COL5A1: variants seen among roughly 807,000 people sequenced by gnomAD.
COL5A1 encodes the protein collagen alpha-1(V) chain.
In COL5A1, 16 loss-of-function variants were observed where a neutral mutation model predicts 263.7. That is an observed-to-expected ratio of 0.06 (90% CI 0.04 to 0.09). The LOEUF (loss-of-function observed/expected upper bound fraction) is 0.09. Ranked by LOEUF, COL5A1 falls within the 10% of genes least tolerant of loss-of-function variation. The probability of loss-of-function intolerance (pLI) is 1.00; values close to 1 mark genes in which losing one functional copy is unlikely to be tolerated. For missense variants in COL5A1, 2,036 were observed against 2,540.5 expected (o/e 0.80, Z 4.27); for synonymous variants, 1,012 against 1,004.5 (o/e 1.01, Z -0.14).
rs375387898 is a variant in COL5A1 at position 134,815,546 on chromosome 9, C to G, written c.4015-30C>G. ...TGGTCTCAGTCAGGTTGCTGATGGC[C>G]TTGGCTGCTTCCTTCTTTCTTCCTT... On this transcript the variant is annotated intron_variant, in intron 50 of 65. Coordinates refer to ENST00000371817, the MANE Select transcript of COL5A1 (RefSeq NM_000093.5). The G allele has an allele frequency of 7.5e-6, 12 of 1,609,586 alleles. No individual in the cohort carries two copies. The South Asian group carries it at 1.2e-4, about 16-fold the overall frequency.
rs754204160 is a variant in COL5A1 at position 134,811,325 on chromosome 9, C to T, written c.3529-14C>T. The T allele has an allele frequency of 6.2e-7, 1 of 1,613,864 alleles. No homozygotes were observed. On this transcript the variant is annotated splice_polypyrimidine_tract_variant and intron_variant, in intron 44 of 65. Transcript: ENST00000371817. ...TCCAAGAAGCTACCTATGTCTCTGT[C>T]TTGTTCCCCGCAGGGTCCTCCTGGG... is the stretch of plus-strand genomic sequence containing the variant.
At position 134,815,970 on chromosome 9, in the gene COL5A1, T is replaced by C; in HGVS notation, c.4104T>C (p.Asp1368=). 1.2e-6 allele frequency: 2 copies of C among 1,614,110 alleles called. 1 individual carries two copies. Among genetic ancestry groups the C allele is most frequent in the Middle Eastern group, 3.3e-4 (2 of 6,062 alleles). The change falls in exon 52 of 66, where the codon GAT becomes GAC. Residue 1368 remains aspartate (D), a synonymous_variant. Transcript: ENST00000371817. Reference sequence around the variant, plus strand: ...GTCCCCCTGGTGACAAAGGAGATGATGGTGAACCCGGGCAGACGGTGAGTC... The same window carrying C: ...GTCCCCCTGGTGACAAAGGAGATGACGGTGAACCCGGGCAGACGGTGAGTC... The part of the protein sequence containing the change: ...QDGPPGDKGD[D]GEPGQTGSPG...
chr9:134,765,850 C>G lies in COL5A1; in HGVS notation c.2088+116C>G. ...CAAGTCCGTGCTGGCCCCTCTGGCGCCTGCCTGCTGCCAGTGTGAGGCGTG... is the reference window on the plus strand; with the variant it reads ...CAAGTCCGTGCTGGCCCCTCTGGCGGCTGCCTGCTGCCAGTGTGAGGCGTG... On this transcript the variant is annotated intron_variant, in intron 21 of 65. Coordinates refer to ENST00000371817, the MANE Select transcript of COL5A1 (RefSeq NM_000093.5). This position sits in a 1 kb window ranked among gnomAD's most constrained non-coding sequence, Gnocchi z 5.1. 4 of 812,910 alleles carry G rather than the reference C, an allele frequency of 4.9e-6. No homozygotes were observed. In the South Asian group the frequency reaches 6.7e-5, roughly 14 times the overall value. 50.4% of individuals were successfully genotyped at this position (812,910 alleles called of 1,614,324 possible).
intron 52 of COL5A1, 112 bp downstream of exon 52, chr9:134,816,100 T>G: frequency 1.1e-6 from 1 of 923,500 alleles, no homozygotes; most frequent in Non-Finnish European, 1.8e-6. Context: ...TGATATTGAT[T>G]CCTTTATGAT....
chr9:134,643,394 C>T (rs1159545766), intron 1 of COL5A1, among the ~76,000 whole-genome samples: 2 of 152,166 alleles, frequency 1.3e-5, no homozygotes, highest in Non-Finnish European at 2.9e-5. Flanking sequence ...TGGACCAGCC[C>T]GCCGCCTGCC....
In COL5A1 at chr9:134,700,752, G is replaced by A. The variant is rs983051623; in HGVS notation, c.492-419G>A. Reference sequence around the variant, plus strand: ...TTTGCCATCGGGGTTCAGAGGGCACGTGACAAGTGCTCGCATGCACACAGC... The same window carrying A: ...TTTGCCATCGGGGTTCAGAGGGCACATGACAAGTGCTCGCATGCACACAGC... On this transcript the variant is annotated intron_variant, in intron 3 of 65. Transcript: ENST00000371817. This position sits in a 1 kb window ranked among gnomAD's most constrained non-coding sequence, Gnocchi z 4.0. 6.6e-5 allele frequency among the ~76,000 whole-genome samples: 10 copies of A among 152,176 alleles called. No homozygotes were observed. The highest frequency in any genetic ancestry group is 8.8e-5 in the Non-Finnish European group (6 of 68,034).
chr9:134,768,356 G>T, intron 24 of COL5A1, 54 bp from the exon 25 acceptor site: 1 of 1,485,572 alleles, frequency 6.7e-7, no homozygotes, highest in East Asian at 2.3e-5. Context: ...CCGACGGAGA[G>T]GTCAGGTGAG....
chr9:134,842,367 TGTCCCGTGCAC>T lies in COL5A1; in HGVS notation c.*69_*79del. The stretch of plus-strand genomic sequence containing the variant: ...CCTCAGCATGCCATTCGTTCGTGAG[TGTCCCGTGCAC>T]GTCCTGACCCTGGACAGTGAAGGCT... On this transcript the variant is annotated 3_prime_UTR_variant, in exon 66 of 66. Transcript: ENST00000371817. This position sits in a 1 kb window ranked among gnomAD's most constrained non-coding sequence, Gnocchi z 5.8. The T allele has an allele frequency of 6.3e-7, 1 of 1,593,274 alleles. No individual in the cohort carries two copies. Among genetic ancestry groups the T allele is most frequent in the Non-Finnish European group, 8.6e-7 (1 of 1,166,762 alleles).
intron 27 of COL5A1, 51 bp from the exon 28 acceptor site, chr9:134,780,051 A>G: frequency 6.2e-7 from 1 of 1,606,928 alleles, no homozygotes; most frequent in Non-Finnish European, 8.5e-7. Flanking sequence ...CAGCTCTAGA[A>G]AGGCTGAGAC....
At position 134,841,035 on chromosome 9, in the gene COL5A1, G is replaced by T. The variant is rs1002810498; in HGVS notation, c.5371-1122G>T. The stretch of plus-strand genomic sequence containing the variant: ...CCGAATCTCCGGCCTGGGAGTCTGC[G>T]CTGGGCCCTCTGCAGGGCTGCATCC... On this transcript the variant is annotated intron_variant, in intron 65 of 65. Coordinates refer to ENST00000371817, the MANE Select transcript of COL5A1 (RefSeq NM_000093.5). The surrounding 1 kb of genome is among the most constrained non-coding windows in gnomAD (Gnocchi z 4.8). 6.6e-6 allele frequency among the ~76,000 whole-genome samples: 1 copy of T among 152,202 alleles called. No homozygotes were observed. The highest frequency in any genetic ancestry group is 1.5e-5 in the Non-Finnish European group (1 of 68,026).
At chr9:134,825,653 C>A (rs7855787) in intron 62 of COL5A1, 139 bp from the exon 63 acceptor site, 1 of 632,672 alleles carries the variant, frequency 1.6e-6, no homozygotes, top group Non-Finnish European at 3.0e-6. Context: ...TAAAGTAAAC[C>A]CCAGAAAGGC....
chr9:134,820,870 CT>C (rs1007150843), intron 58 of COL5A1, among the ~76,000 whole-genome samples: 1 of 152,170 alleles, frequency 6.6e-6, no homozygotes, highest in Non-Finnish European at 1.5e-5. Flanking sequence ...GTGTGGGAAT[CT>C]TTCCGTCCCG....
intron 1 of COL5A1, among the ~76,000 whole-genome samples, chr9:134,654,988 A>T (rs865921643): frequency 1.7e-4 from 2 of 11,688 alleles, no homozygotes; most frequent in Admixed American, 1.2e-3. Flanking sequence ...GTAGGGCTGG[A>T]GGTGTGTAGG....
chr9:134,817,834 A>G lies in COL5A1; in HGVS notation c.4230+3A>G. On this transcript the variant is annotated splice_donor_region_variant and intron_variant, in intron 54 of 65. Transcript: ENST00000371817. ...GACAGGGAGAGAAAGGGGCCAAGGT[A>G]ACGTGTTTTGGAGCCAGGCTGTGAC... is the stretch of plus-strand genomic sequence containing the variant. 6.2e-7 allele frequency: 1 copy of G among 1,604,374 alleles called. No homozygotes were observed. The highest frequency in any genetic ancestry group is 8.5e-7 in the Non-Finnish European group (1 of 1,175,372).
chr9:134,730,591 G>GAACACAGGGGCCA, intron 7 of COL5A1, 116 bp downstream of exon 7: 1 of 1,463,904 alleles, frequency 6.8e-7, no homozygotes, highest in Non-Finnish European at 9.4e-7. Context: ...TCCTCGGGTG[G>GAACACAGGGGCCA]CCCCTGTGTT....
At chr9:134,651,045 C>A (rs1310134209) in intron 1 of COL5A1, among the ~76,000 whole-genome samples, 1 of 152,222 alleles carries the variant, frequency 6.6e-6, no homozygotes, top group Non-Finnish European at 1.5e-5. Context: ...CGGCGTGGCT[C>A]CGCTCCCTCC....
chr9:134,760,609 G>GCACA (rs538029707), intron 18 of COL5A1, among the ~76,000 whole-genome samples: 1 of 43,462 alleles, frequency 2.3e-5, no homozygotes, highest in South Asian at 8.8e-4. Context: ...CACCACACAT[G>GCACA]CACACACACA....
intron 11 of COL5A1, among the ~76,000 whole-genome samples, chr9:134,747,828 T>TAC (rs200746666): frequency 0.34 from 21,194 of 62,354 alleles, 4,695 homozygotes; most frequent in East Asian, 0.53. Flanking sequence ...CATGCGTTCA[T>TAC]ACACATGCAG....
In COL5A1 at chr9:134,795,302, A is replaced by C; in HGVS notation, c.2786A>C (p.Lys929Thr). Reference sequence around the variant, plus strand: ...AGAGGCCCCCGGGGCATCACTGGGAAGCCTGGCCCCAAGGTATGTTTTTGG... The same window carrying C: ...AGAGGCCCCCGGGGCATCACTGGGACGCCTGGCCCCAAGGTATGTTTTTGG... ...GERGPRGITG[K>T]PGPKGNSGGD... The change falls in exon 34 of 66, where the codon AAG (lysine) becomes ACG (threonine). Residue 929 changes from lysine to threonine, a missense_variant. Lys to Thr is a moderately conservative substitution (Grantham distance 78). This residue lies in a region of COL5A1 where 1,078 missense variants were observed against 1,521.4 expected (regional missense o/e 0.71). Transcript: ENST00000371817. 1.2e-6 allele frequency: 2 copies of C among 1,613,692 alleles called. 1 individual carries two copies. Among genetic ancestry groups the C allele is most frequent in the South Asian group, 2.2e-5 (2 of 91,062 alleles).
Sources: gnomAD v4.1 joint callset for allele counts (sites outside exome capture counted in the v4.1 genomes callset) on GRCh38, gnomAD v4.1.1 for gene constraint, gnomAD v4.1.1 regional missense constraint, Gnocchi (gnomAD v3.1) non-coding constraint, MANE v1.5 for transcripts, NCBI Gene and HGNC (gene_info 2026-07-23, HGNC 2026-07-21) for gene names.